The following VPS13B variants were observed in gnomAD, a reference collection of about 807,000 sequenced individuals.
The protein encoded by VPS13B is vacuolar protein sorting 13 homolog B, also known as intermembrane lipid transfer protein VPS13B.
In VPS13B, 285 loss-of-function variants were observed where a neutral mutation model predicts 426.4. The ratio of observed to expected loss-of-function variants is 0.67; its 90% CI spans 0.61 to 0.74. The LOEUF (loss-of-function observed/expected upper bound fraction) is 0.74, where lower values mean the gene tolerates loss of function less well. Among genes scored for constraint, VPS13B ranks in the 30% least tolerant of loss-of-function variants. The probability of loss-of-function intolerance (pLI) is 0.00; values close to 1 mark genes in which losing one functional copy is unlikely to be tolerated. For synonymous variants in VPS13B, 1,676 were observed against 1,676.4 expected, an observed-to-expected ratio of 1.00 and a Z score of 0.01; for missense variants, 4,537 against 4,782.6, an observed-to-expected ratio of 0.95 and a Z score of 1.51.
intron 19 of VPS13B, among the ~76,000 whole-genome samples, chr8:99,351,290 C>T (rs564103315): frequency 8.5e-4 from 130 of 152,162 alleles, no homozygotes; most frequent in Middle Eastern, 3.4e-3. Context: ...TATACAGATT[C>T]GGATTAGATA....
chr8:99,338,808 T>C (rs1811073247), intron 19 of VPS13B, among the ~76,000 whole-genome samples: 2 of 152,170 alleles, frequency 1.3e-5, no homozygotes, highest in African/African-American at 4.8e-5. Context: ...ATGATAAAAT[T>C]TTAGTATCTT....
At chr8:99,516,539 A>C (rs1316932107) in intron 29 of VPS13B, among the ~76,000 whole-genome samples, 2 of 152,106 alleles carry the variant, frequency 1.3e-5, no homozygotes, top group African/African-American at 2.4e-5. Flanking sequence ...CTGTAATACC[A>C]GCACTTTGGG....
intron 17 of VPS13B, among the ~76,000 whole-genome samples, chr8:99,225,428 C>G (rs762270016): frequency 3.9e-5 from 6 of 152,126 alleles, no homozygotes; most frequent in Non-Finnish European, 7.3e-5. Context: ...AGGCACCCAC[C>G]ACCACGCCCG....
At chr8:99,771,037 A>C (rs974734056) in intron 40 of VPS13B, among the ~76,000 whole-genome samples, 3 of 152,156 alleles carry the variant, frequency 2.0e-5, no homozygotes, top group African/African-American at 4.8e-5. Flanking sequence ...AACAATTTTT[A>C]CTTTATTTAT....
At chr8:99,444,999 A>G (rs1817843435) in intron 23 of VPS13B, among the ~76,000 whole-genome samples, 1 of 152,020 alleles carries the variant, frequency 6.6e-6, no homozygotes, top group African/African-American at 2.4e-5. Flanking sequence ...TTGTATTTTT[A>G]GTAGAGTCAG....
intron 40 of VPS13B, among the ~76,000 whole-genome samples, chr8:99,773,807 G>A (rs932726670): frequency 1.3e-5 from 2 of 152,148 alleles, no homozygotes; most frequent in African/African-American, 4.8e-5. Context: ...TGTTTTGAAA[G>A]TCTTCTGGGA....
At chr8:99,138,416 CG>C (rs1810203536) in intron 12 of VPS13B, among the ~76,000 whole-genome samples, 1 of 152,222 alleles carries the variant, frequency 6.6e-6, no homozygotes, top group African/African-American at 2.4e-5. Context: ...CGTGAGCCAC[CG>C]CACTCAGCCA....
chr8:99,073,206 A>G (rs571681933), intron 3 of VPS13B, among the ~76,000 whole-genome samples: 1 of 152,118 alleles, frequency 6.6e-6, no homozygotes, highest in Non-Finnish European at 1.5e-5. Context: ...TGCTTTGGCT[A>G]TTCAGAGTCT....
intron 17 of VPS13B, among the ~76,000 whole-genome samples, chr8:99,216,489 C>CATGAATGAATGA (rs149012332): frequency 6.6e-6 from 1 of 151,402 alleles, no homozygotes; most frequent in East Asian, 1.9e-4. Flanking sequence ...TAGCATATCA[C>CATGAATGAATGA]ATGAATGAAT....
At position 99,474,183 on chromosome 8, in the gene VPS13B, A is replaced by ATTTTTTTTTT. The variant is rs34752686; in HGVS notation, c.3666+6560_3666+6569dup. 1.1e-3 allele frequency among the ~76,000 whole-genome samples: 138 copies of ATTTTTTTTTT among 124,946 alleles called. 5 individuals are homozygous for ATTTTTTTTTT. Among genetic ancestry groups the ATTTTTTTTTT allele is most frequent in the African/African-American group, 4.3e-3 (133 of 30,736 alleles). 82.0% of individuals were successfully genotyped at this position (124,946 alleles called of 152,430 possible). A position where few individuals can be genotyped will look rare whatever the true frequency, so the allele number is the denominator to read the frequency against. On this transcript the variant is annotated intron_variant, in intron 24 of 61. Transcript: ENST00000357162. ...TCTTCAAACAATGGACTGTTATCCA[A>ATTTTTTTTTT]TTTTTTTTTTTTTTTTTTTTGTGGA... is the stretch of plus-strand genomic sequence containing the variant.
chr8:99,391,630 C>T lies in VPS13B; in HGVS notation c.3008C>T (p.Ala1003Val), dbSNP rs371660958. 2.5e-6 allele frequency: 4 copies of T among 1,614,076 alleles called. No homozygotes were observed. In the African/African-American group the frequency reaches 5.3e-5, roughly 22 times the overall value. Residue 1003 changes from alanine to valine, a missense_variant, in exon 21 of 62, where the codon GCC becomes GTC. By Grantham distance (64) the Ala-to-Val change is moderately conservative. Transcript: ENST00000357162. ...RKEDEVSIGS[A>V]PLAKQQSYQA... is the part of the protein sequence containing the mutation. ...GAGGATGAGGTGTCTATTGGAAGTG[C>T]CCCCTTGGCAAAGCAGCAATCATAT...
chr8:99,419,562 T>A lies in VPS13B; in HGVS notation c.3083-11975T>A, dbSNP rs148876902. Among the ~76,000 whole-genome samples the A allele has an allele frequency of 5.3e-3, 813 of 152,314 alleles. 5 individuals are homozygous for A. Among genetic ancestry groups the A allele is most frequent in the African/African-American group, 0.018 (754 of 41,574 alleles). On this transcript the variant is annotated intron_variant, in intron 21 of 61. Transcript: ENST00000357162. ...AATTTTTATATTTTTATCTTTTAGG[T>A]AATTGAACTGTGGTTAAGGCAGTTG...
chr8:99,670,631 C>T (rs1286397270), intron 35 of VPS13B, among the ~76,000 whole-genome samples: 1 of 152,064 alleles, frequency 6.6e-6, no homozygotes, highest in African/African-American at 2.4e-5. Context: ...TCACCAACCT[C>T]TCCATATTGT....
chr8:99,818,336 T>C, intron 45 of VPS13B, 115 bp from the exon 46 acceptor site: 1 of 1,136,012 alleles, frequency 8.8e-7, no homozygotes, highest in South Asian at 1.4e-5. Context: ...ATAATGGCTT[T>C]TTCCCTAAAC....
At chr8:99,864,980 C>CGGG (rs1270329680) in intron 58 of VPS13B, among the ~76,000 whole-genome samples, 1 of 152,214 alleles carries the variant, frequency 6.6e-6, no homozygotes, top group African/African-American at 2.4e-5. Context: ...GACTCTGCTT[C>CGGG]ACCCTCATGG....
At chr8:99,352,610 G>A (rs1811953343) in intron 19 of VPS13B, among the ~76,000 whole-genome samples, 1 of 152,116 alleles carries the variant, frequency 6.6e-6, no homozygotes, top group Non-Finnish European at 1.5e-5. Context: ...GATCGCTTGA[G>A]GTCAGGAGTT....
Position 99,640,058 on chromosome 8 carries a change from A to G in VPS13B, c.5221-1753A>G, listed in dbSNP as rs1260555956. On this transcript the variant is annotated intron_variant, in intron 33 of 61. Coordinates refer to ENST00000357162, the MANE Select transcript of VPS13B (RefSeq NM_152564.5). Reference sequence around the variant, plus strand: ...AGAAGAAGAAGAAGAAGAGAAAAGAAAAGAAAAGAAAAGAAAAGAAAAGAA... The same window carrying G: ...AGAAGAAGAAGAAGAAGAGAAAAGAGAAGAAAAGAAAAGAAAAGAAAAGAA... 1.9e-4 allele frequency among the ~76,000 whole-genome samples: 13 copies of G among 68,434 alleles called. 1 individual carries two copies. The East Asian group carries it at 6.5e-3, about 34-fold the overall frequency. 44.9% of individuals were successfully genotyped at this position (68,434 alleles called of 152,430 possible).
At chr8:99,866,103 GCCATCT>G (rs1817083644) in intron 58 of VPS13B, among the ~76,000 whole-genome samples, 1 of 152,250 alleles carries the variant, frequency 6.6e-6, no homozygotes, top group African/African-American at 2.4e-5. Context: ...TCAGATCACA[GCCATCT>G]CCATGTGGTC....
chr8:99,209,360 G>A (rs1440097691), intron 17 of VPS13B, among the ~76,000 whole-genome samples: 1 of 151,692 alleles, frequency 6.6e-6, no homozygotes, highest in Non-Finnish European at 1.5e-5. Flanking sequence ...ACTTATTATG[G>A]CAAATAGAAT....
Sources: gnomAD v4.1 joint callset for allele counts (sites outside exome capture counted in the v4.1 genomes callset) on GRCh38, gnomAD v4.1.1 for gene constraint, MANE v1.5 for transcripts, NCBI Gene and HGNC (gene_info 2026-07-23, HGNC 2026-07-21) for gene names.